The following OR3A2 variants were observed in gnomAD, a reference collection of about 807,000 sequenced individuals.
The protein encoded by OR3A2 is olfactory receptor family 3 subfamily A member 2.
For missense variants in OR3A2, 318 were observed against 392.8 expected, an observed-to-expected ratio of 0.81 and a Z score of 1.61; for synonymous variants, 126 against 159.3, an observed-to-expected ratio of 0.79 and a Z score of 1.57.
chr17:3,327,933 A>C (rs1264933356), intron 3 of OR3A2, among the ~76,000 whole-genome samples: 1 of 142,186 alleles, frequency 7.0e-6, no homozygotes, highest in Non-Finnish European at 1.5e-5. Context: ...TTTTGGTACC[A>C]GTACCATGCT....
chr17:3,300,856 G>A (rs1285597466), intron 3 of OR3A2, among the ~76,000 whole-genome samples: 3 of 58,314 alleles, frequency 5.1e-5, no homozygotes, highest in African/African-American at 1.5e-4. Flanking sequence ...CCCATCCCAC[G>A]ACAGGCCCTG....
At chr17:3,382,366 G>A (rs904030593) in intron 2 of OR3A2, among the ~76,000 whole-genome samples, 5 of 152,162 alleles carry the variant, frequency 3.3e-5, no homozygotes, top group Non-Finnish European at 5.9e-5. Flanking sequence ...TATAGCTGTG[G>A]CGTTCTCTCT....
rs144156293 is a variant in OR3A2 at position 3,385,623 on chromosome 17, C to T, written c.-275+502G>A. On this transcript the variant is annotated intron_variant, in intron 1 of 4. Coordinates refer to the OR3A2 transcript ENST00000573491. ...CTCATTAAAGAAGAAGAAACTGAGG[C>T]TCAGAAAGGTCTCAACACCTTTGTG... Among the ~76,000 whole-genome samples, 12 of 152,238 alleles carry T rather than the reference C, an allele frequency of 7.9e-5. No individual in the cohort carries two copies. The East Asian group carries it at 2.3e-3, about 29-fold the overall frequency.
At chr17:3,331,482 T>C (rs2049233643) in intron 3 of OR3A2, among the ~76,000 whole-genome samples, 1 of 151,904 alleles carries the variant, frequency 6.6e-6, no homozygotes, top group Non-Finnish European at 1.5e-5. Context: ...CCATCGCTGA[T>C]ACCCTTTCTT....
chr17:3,326,209 A>C (rs1362274747), intron 3 of OR3A2, among the ~76,000 whole-genome samples: 1 of 152,064 alleles, frequency 6.6e-6, no homozygotes, highest in African/African-American at 2.4e-5. Flanking sequence ...ATCTGGGTTG[A>C]TTCCATGTCT....
intron 2 of OR3A2, among the ~76,000 whole-genome samples, chr17:3,375,246 C>T (rs1090068): frequency 0.67 from 17,639 of 26,356 alleles, 5,582 homozygotes; most frequent in Middle Eastern, 0.75. Context: ...TTTTTTTTTT[C>T]CCCCCCTTTT....
chr17:3,362,717 C>T (rs1036264833), intron 2 of OR3A2, among the ~76,000 whole-genome samples: 1 of 151,592 alleles, frequency 6.6e-6, no homozygotes, highest in Non-Finnish European at 1.5e-5. Context: ...CACATTTCCC[C>T]TCAGCACTCC....
chr17:3,386,270 T>C (rs1012151591), exon 1 of OR3A2: 4 of 398,564 alleles, frequency 1.0e-5, no homozygotes, highest in African/African-American at 2.1e-5. Flanking sequence ...GAGAGCTACC[T>C]CCTGGCGGCC....
intron 3 of OR3A2, among the ~76,000 whole-genome samples, chr17:3,299,930 T>C (rs1306587459): frequency 6.6e-6 from 1 of 152,156 alleles, no homozygotes; most frequent in Non-Finnish European, 1.5e-5. Flanking sequence ...ATCATTAATA[T>C]TTGCTTTATT....
At chr17:3,342,450 T>C (rs1022878012) in intron 2 of OR3A2, among the ~76,000 whole-genome samples, 5 of 152,204 alleles carry the variant, frequency 3.3e-5, no homozygotes, top group Non-Finnish European at 7.3e-5. Context: ...GATGGGGTTT[T>C]GGTGTGGATG....
chr17:3,293,153 T>TA (rs35282171), intron 3 of OR3A2, among the ~76,000 whole-genome samples: 37,892 of 140,872 alleles, frequency 0.27, 5,275 homozygotes, highest in East Asian at 0.61. Context: ...ATAATTCTCT[T>TA]AAAAAAAAAA....
intron 2 of OR3A2, among the ~76,000 whole-genome samples, chr17:3,371,213 C>T (rs1440537464): frequency 6.6e-6 from 1 of 151,410 alleles, no homozygotes; most frequent in Non-Finnish European, 1.5e-5. Context: ...GCGCCCCTCA[C>T]CTCCCGGGTG....
intron 3 of OR3A2, among the ~76,000 whole-genome samples, chr17:3,316,283 G>T (rs2049082029): frequency 6.6e-6 from 1 of 152,182 alleles, no homozygotes; most frequent in Non-Finnish European, 1.5e-5. Flanking sequence ...CATATTCAAA[G>T]AAACATGTTT....
intron 3 of OR3A2, among the ~76,000 whole-genome samples, chr17:3,295,611 G>A (rs958809474): frequency 4.6e-5 from 7 of 151,996 alleles, no homozygotes; most frequent in African/African-American, 7.2e-5. Flanking sequence ...TGATAAAGCC[G>A]AGTGGGCCAA....
chr17:3,383,016 ACTC>A (rs1292116195), intron 2 of OR3A2, among the ~76,000 whole-genome samples: 2 of 152,282 alleles, frequency 1.3e-5, no homozygotes, highest in East Asian at 3.9e-4. Context: ...ATTGTGTCCA[ACTC>A]CTGTTAACAT....
chr17:3,365,180 T>C (rs1338613329), intron 2 of OR3A2, among the ~76,000 whole-genome samples: 3 of 152,256 alleles, frequency 2.0e-5, no homozygotes, highest in African/African-American at 2.4e-5. Context: ...CAATTCACTC[T>C]ACAAAAATTC....
chr17:3,364,461 C>A (rs1277629357), intron 2 of OR3A2, among the ~76,000 whole-genome samples: 2 of 152,176 alleles, frequency 1.3e-5, no homozygotes, highest in African/African-American at 2.4e-5. Flanking sequence ...TAACTGAAAT[C>A]TTGTACCTTT....
At position 3,340,969 on chromosome 17, in the gene OR3A2, T is replaced by G. The variant is rs577417026; in HGVS notation, c.-178-4843A>C. Reference sequence around the variant, plus strand: ...TGCTCCTGTATTGGGTGCATATATATTTAGGATAGTTAGCTCTTCTTGTTG... The same window carrying G: ...TGCTCCTGTATTGGGTGCATATATAGTTAGGATAGTTAGCTCTTCTTGTTG... On this transcript the variant is annotated intron_variant, in intron 2 of 4. Transcript: ENST00000573491. Among the ~76,000 whole-genome samples, 233 of 152,312 alleles carry G rather than the reference T, an allele frequency of 1.5e-3. 1 individual carries two copies. The highest frequency in any genetic ancestry group is 5.1e-3 in the African/African-American group (211 of 41,568).
chr17:3,357,459 CAA>C (rs2049472927), intron 2 of OR3A2, among the ~76,000 whole-genome samples: 1 of 151,528 alleles, frequency 6.6e-6, no homozygotes, highest in African/African-American at 2.4e-5. Context: ...AAGCTGCACA[CAA>C]AGAGACATAT....
Sources: gnomAD v4.1 joint callset for allele counts (sites outside exome capture counted in the v4.1 genomes callset) on GRCh38, gnomAD v4.1.1 for gene constraint, MANE v1.5 for transcripts, NCBI Gene and HGNC (gene_info 2026-07-23, HGNC 2026-07-21) for gene names.